DNAH11: variants seen among roughly 807,000 people sequenced by gnomAD.
The protein encoded by DNAH11 is dynein axonemal heavy chain 11.
In DNAH11, 442 loss-of-function variants were observed where a neutral mutation model predicts 526.0. That is an observed-to-expected ratio of 0.84 (90% CI 0.78 to 0.91). The LOEUF is 0.91. Ranked by LOEUF, DNAH11 falls within the 40% of genes least tolerant of loss-of-function variation. The pLI, the probability that DNAH11 is intolerant of heterozygous loss-of-function variation, is 0.00. For synonymous variants in DNAH11, 2,461 were observed against 1,935.9 expected (o/e 1.27, Z -7.12); for missense variants, 6,989 against 5,448.7 (o/e 1.28, Z -8.90).
chr7:21,778,823 C>G, intron 56 of DNAH11, 135 bp from the exon 57 acceptor site: 3 of 1,008,446 alleles, frequency 3.0e-6, no homozygotes, highest in Non-Finnish European at 4.2e-6. Flanking sequence ...AATCAGAAGA[C>G]AGTGAAAATC....
At chr7:21,737,701 G>A (rs1452040449) in intron 46 of DNAH11, among the ~76,000 whole-genome samples, 1 of 152,190 alleles carries the variant, frequency 6.6e-6, no homozygotes, top group Non-Finnish European at 1.5e-5. Context: ...GACCAGGAGA[G>A]AGAGACTACT....
At chr7:21,900,443 A>G (rs371637851) in intron 81 of DNAH11, among the ~76,000 whole-genome samples, 14 of 151,892 alleles carry the variant, frequency 9.2e-5, no homozygotes, top group African/African-American at 2.7e-4. Flanking sequence ...TCTTTCTTCT[A>G]TTGTTTAAAA....
intron 68 of DNAH11, among the ~76,000 whole-genome samples, chr7:21,854,752 A>C (rs1406941996): frequency 6.6e-6 from 1 of 151,792 alleles, no homozygotes; most frequent in Non-Finnish European, 1.5e-5. Context: ...CACATTGCCC[A>C]GGCTGGTCTC....
chr7:21,900,660 A>AAAGAAT (rs1320138899), intron 81 of DNAH11, among the ~76,000 whole-genome samples: 1 of 152,184 alleles, frequency 6.6e-6, no homozygotes, highest in Admixed American at 6.5e-5. Flanking sequence ...TTCTGGTGTA[A>AAAGAAT]AAGAATAAGG....
chr7:21,696,839 G>C (rs1783874055), intron 35 of DNAH11, among the ~76,000 whole-genome samples: 1 of 152,160 alleles, frequency 6.6e-6, no homozygotes, highest in South Asian at 2.1e-4. Context: ...GATTAAGTGA[G>C]AGAGTGCATA....
intron 7 of DNAH11, 68 bp from the exon 8 acceptor site, chr7:21,571,738 G>C: frequency 8.2e-7 from 1 of 1,222,126 alleles, no homozygotes; most frequent in Non-Finnish European, 1.1e-6. Context: ...AAATGTTCTT[G>C]ATTTGAAACT....
At chr7:21,606,066 G>A (rs1785267054) in intron 18 of DNAH11, among the ~76,000 whole-genome samples, 1 of 152,310 alleles carries the variant, frequency 6.6e-6, no homozygotes, top group South Asian at 2.1e-4. Context: ...GCTCATGCCT[G>A]TAATCCCAGC....
intron 35 of DNAH11, among the ~76,000 whole-genome samples, chr7:21,694,459 C>G (rs771842246): frequency 6.6e-6 from 1 of 152,108 alleles, no homozygotes; most frequent in Non-Finnish European, 1.5e-5. Context: ...GTTTAGTTAT[C>G]TGTTCTTGTG....
chr7:21,760,620 A>G (rs1429352654), intron 54 of DNAH11, among the ~76,000 whole-genome samples: 1 of 152,074 alleles, frequency 6.6e-6, no homozygotes, highest in Non-Finnish European at 1.5e-5. Context: ...TTGATGGGGG[A>G]GGTTTTGCTT....
At position 21,600,990 on chromosome 7, in the gene DNAH11, TAATC is replaced by T. The variant is rs750027982; in HGVS notation, c.3256-19_3256-16del. Reference sequence around the variant, plus strand: ...TGGCTTTTCACTGAGTTGTTCTAATTAATCTTTTTCTCACTACAGATTGACATTT... The same window carrying T: ...TGGCTTTTCACTGAGTTGTTCTAATTTTTTTCTCACTACAGATTGACATTT... On this transcript the variant is annotated splice_polypyrimidine_tract_variant and intron_variant, in intron 16 of 81. Transcript: ENST00000409508. 37 of 1,610,186 alleles carry T rather than the reference TAATC, an allele frequency of 2.3e-5. No individual in the cohort carries two copies. Among genetic ancestry groups the T allele is most frequent in the Non-Finnish European group, 3.0e-5 (35 of 1,179,182 alleles).
intron 61 of DNAH11, among the ~76,000 whole-genome samples, chr7:21,789,815 T>TTTTCTTTCTTG (rs1788378452): frequency 2.5e-5 from 2 of 78,520 alleles, no homozygotes; most frequent in Admixed American, 1.2e-4. Flanking sequence ...CTTTTTTCTT[T>TTTTCTTTCTTG]CTTTCTTTCT....
At chr7:21,720,213 G>T (rs908430000) in intron 43 of DNAH11, among the ~76,000 whole-genome samples, 1 of 152,166 alleles carries the variant, frequency 6.6e-6, no homozygotes, top group Non-Finnish European at 1.5e-5. Flanking sequence ...CTGCCAAAGC[G>T]CTTACCGAAA....
At chr7:21,773,744 A>G in intron 55 of DNAH11, 22 bp from the exon 56 acceptor site, 3 of 1,422,928 alleles carry the variant, frequency 2.1e-6, no homozygotes, top group Non-Finnish European at 2.8e-6. Flanking sequence ...TTTCACATGA[A>G]CTGTAATGTT....
At chr7:21,638,787 T>G in intron 27 of DNAH11, among the ~76,000 whole-genome samples, 152 bp from the exon 28 acceptor site, 1 of 151,272 alleles carries the variant, frequency 6.6e-6, no homozygotes, top group East Asian at 1.9e-4. Context: ...ATAAGCAAGA[T>G]AGATGATGGT....
At chr7:21,620,141 T>C in intron 25 of DNAH11, 63 bp downstream of exon 25, 4 of 1,297,400 alleles carry the variant, frequency 3.1e-6, no homozygotes, top group Non-Finnish European at 4.2e-6. Context: ...AATAATTGTA[T>C]ATATAGGGTA....
intron 2 of DNAH11, 38 bp downstream of exon 2, chr7:21,545,187 T>C: frequency 6.5e-7 from 1 of 1,538,460 alleles, no homozygotes; most frequent in South Asian, 1.2e-5. Flanking sequence ...CTTTCACTTA[T>C]CTCCATGACA....
At chr7:21,637,536 T>A (rs1189428639) in intron 26 of DNAH11, 75 bp from the exon 27 acceptor site, 1 of 1,023,784 alleles carries the variant, frequency 9.8e-7, no homozygotes, top group African/African-American at 1.6e-5. Flanking sequence ...CTTCATTTTT[T>A]TAATTCTTGA....
intron 6 of DNAH11, among the ~76,000 whole-genome samples, 157 bp from the exon 7 acceptor site, chr7:21,569,911 AG>A (rs897051725): frequency 1.3e-5 from 2 of 152,208 alleles, no homozygotes; most frequent in African/African-American, 4.8e-5. Flanking sequence ...TTGAAGTCCA[AG>A]TAGCTGAATT....
intron 20 of DNAH11, among the ~76,000 whole-genome samples, chr7:21,614,520 T>A (rs914318994): frequency 6.6e-6 from 1 of 152,222 alleles, no homozygotes; most frequent in Admixed American, 6.5e-5. Flanking sequence ...AAAAAACATG[T>A]CAGCATTTAC....
Sources: allele counts gnomAD v4.1 joint callset (sites outside exome capture counted in the v4.1 genomes callset), GRCh38; gene constraint gnomAD v4.1.1; transcripts MANE v1.5; gene names NCBI Gene and HGNC (gene_info 2026-07-23, HGNC 2026-07-21).